The following PRKG1 variants were observed in gnomAD, a reference collection of about 807,000 sequenced individuals.
The protein encoded by PRKG1 is protein kinase cGMP-dependent 1, also known as cGMP-dependent protein kinase 1.
A neutral mutation model predicts 88.1 loss-of-function variants in PRKG1; 35 were observed. The observed-to-expected ratio is 0.40, with a 90% CI of 0.30 to 0.53. The LOEUF (loss-of-function observed/expected upper bound fraction) is 0.53. PRKG1 is among the 20% of genes least tolerant of loss of function. The pLI is 0.59. For synonymous variants in PRKG1, 303 were observed against 292.5 expected (o/e 1.04, Z -0.37); for missense variants, 540 against 839.8 (o/e 0.64, Z 4.41).
chr10:51,187,751 G>A (rs1015895376), intron 2 of PRKG1, among the ~76,000 whole-genome samples: 2 of 151,964 alleles, frequency 1.3e-5, no homozygotes, highest in Admixed American at 6.6e-5. Flanking sequence ...AGGCTACAAT[G>A]CCTAAATATC....
intron 2 of PRKG1, among the ~76,000 whole-genome samples, chr10:51,380,658 A>C (rs1222476451): frequency 6.6e-6 from 1 of 152,160 alleles, no homozygotes; most frequent in Non-Finnish European, 1.5e-5. Context: ...AAGTACTGGC[A>C]GCCAGCTTGT....
At chr10:52,097,941 G>A (rs1459183463) in intron 7 of PRKG1, among the ~76,000 whole-genome samples, 1 of 151,882 alleles carries the variant, frequency 6.6e-6, no homozygotes, top group East Asian at 1.9e-4. Flanking sequence ...ACTCTCTAAA[G>A]GTAAGGTTTT....
intron 3 of PRKG1, among the ~76,000 whole-genome samples, chr10:51,488,658 C>T (rs527504357): frequency 6.6e-6 from 1 of 152,232 alleles, no homozygotes; most frequent in Admixed American, 6.6e-5. Context: ...CTATCCAATA[C>T]TAAGTAGAAT....
At chr10:51,805,545 A>G (rs923590396) in intron 4 of PRKG1, among the ~76,000 whole-genome samples, 1 of 152,016 alleles carries the variant, frequency 6.6e-6, no homozygotes, top group African/African-American at 2.4e-5. Context: ...TAATGAGTGT[A>G]CTGCTAATTA....
chr10:51,255,476 C>T (rs1839533634), intron 2 of PRKG1, among the ~76,000 whole-genome samples: 1 of 152,078 alleles, frequency 6.6e-6, no homozygotes, highest in Non-Finnish European at 1.5e-5. Context: ...TATTTATCAT[C>T]TCACATAAGG....
In PRKG1 at chr10:52,166,799, A is replaced by ATATATATG. The variant is rs1554812265; in HGVS notation, c.1076+4843_1076+4844insGTATATAT. On this transcript the variant is annotated intron_variant, in intron 9 of 17. Transcript: ENST00000373980. The stretch of plus-strand genomic sequence containing the variant: ...CAAATAAAAAAGCCTATATATATAC[A>ATATATATG]TATATATATGTATATATATGTATAT... Among the ~76,000 whole-genome samples the ATATATATG allele has an allele frequency of 2.3e-3, 161 of 70,766 alleles. 2 individuals are homozygous for ATATATATG. The highest frequency in any genetic ancestry group is 4.1e-3 in the South Asian group (7 of 1,694). The allele number at this position is 70,766 out of a possible 152,430, so 46.4% of individuals were successfully genotyped here. A position where few individuals can be genotyped will look rare whatever the true frequency, so the allele number is the denominator to read the frequency against.
chr10:51,181,023 A>G (rs1441204193), intron 2 of PRKG1, among the ~76,000 whole-genome samples: 1 of 152,068 alleles, frequency 6.6e-6, no homozygotes, highest in Non-Finnish European at 1.5e-5. Flanking sequence ...TATTTAAAAT[A>G]TAATTCTTAT....
At chr10:51,281,001 C>G (rs1293478957) in intron 2 of PRKG1, among the ~76,000 whole-genome samples, 1 of 152,142 alleles carries the variant, frequency 6.6e-6, no homozygotes, top group Non-Finnish European at 1.5e-5. Context: ...GTTTTATCTA[C>G]TTTTGCTCTT....
intron 9 of PRKG1, among the ~76,000 whole-genome samples, chr10:52,201,166 C>T (rs1839656215): frequency 6.6e-6 from 1 of 152,092 alleles, no homozygotes; most frequent in Non-Finnish European, 1.5e-5. Flanking sequence ...AGGTTATCTT[C>T]AAAGGTTTTC....
At chr10:51,057,956 C>T (rs1843649073) in intron 1 of PRKG1, among the ~76,000 whole-genome samples, 1 of 152,060 alleles carries the variant, frequency 6.6e-6, no homozygotes, top group African/African-American at 2.4e-5. Context: ...TCCCAAGTGG[C>T]CATAACAATT....
intron 3 of PRKG1, among the ~76,000 whole-genome samples, chr10:51,730,450 C>A (rs1014091889): frequency 6.6e-6 from 1 of 152,154 alleles, no homozygotes; most frequent in Non-Finnish European, 1.5e-5. Flanking sequence ...GCAGAGAGTT[C>A]TTTACTCATG....
chr10:51,774,319 A>G (rs113697173), intron 3 of PRKG1, among the ~76,000 whole-genome samples: 74 of 152,244 alleles, frequency 4.9e-4, no homozygotes, highest in African/African-American at 1.6e-3. Context: ...TGGAGTATCA[A>G]TTAGAAATAA....
chr10:51,484,413 C>T (rs1840466643), intron 3 of PRKG1, among the ~76,000 whole-genome samples: 1 of 151,962 alleles, frequency 6.6e-6, no homozygotes, highest in African/African-American at 2.4e-5. Context: ...TGTATTTATG[C>T]ATTTTGGGAC....
chr10:51,120,430 T>C (rs1226062814), intron 1 of PRKG1, among the ~76,000 whole-genome samples: 4 of 152,038 alleles, frequency 2.6e-5, no homozygotes, highest in Non-Finnish European at 5.9e-5. Context: ...ATATCACTAT[T>C]TTTTTAGGCC....
chr10:51,978,200 C>A (rs1157824036), intron 5 of PRKG1, among the ~76,000 whole-genome samples: 1 of 146,044 alleles, frequency 6.8e-6, no homozygotes, highest in Non-Finnish European at 1.5e-5. Context: ...ATTCCAGCAC[C>A]ATTTATTGAA....
chr10:52,222,897 C>T (rs1458637327), intron 9 of PRKG1, among the ~76,000 whole-genome samples: 1 of 152,104 alleles, frequency 6.6e-6, no homozygotes, highest in African/African-American at 2.4e-5. Flanking sequence ...TATAAAAACT[C>T]TTACCTGTCC....
rs571642183 is a variant in PRKG1 at position 51,910,284 on chromosome 10, G to C, written c.762+2714G>C. The C allele has an allele frequency of 2.0e-5, 3 of 152,278 alleles. No homozygotes were observed. The South Asian group carries it at 6.2e-4, about 32-fold the overall frequency. The allele number at this position is 152,278 out of a possible 1,614,324, so 9.4% of individuals were successfully genotyped here. On this transcript the variant is annotated intron_variant, in intron 5 of 17. Coordinates refer to ENST00000373980, the MANE Select transcript of PRKG1 (RefSeq NM_006258.4). The stretch of plus-strand genomic sequence containing the variant: ...TCTAGGAGGGAGGCAGTTGTTCATT[G>C]TGATTAGGCCATCTGTGTTTGCTAT...
chr10:51,629,530 G>C (rs1467495105), intron 3 of PRKG1, among the ~76,000 whole-genome samples: 1 of 151,852 alleles, frequency 6.6e-6, no homozygotes, highest in Non-Finnish European at 1.5e-5. Flanking sequence ...CATTTTGATT[G>C]CTGTCGCTGC....
intron 11 of PRKG1, 110 bp from the exon 12 acceptor site, chr10:52,272,282 C>A (rs554227469): frequency 4.0e-6 from 3 of 754,898 alleles, no homozygotes; most frequent in Admixed American, 2.9e-5. Flanking sequence ...CTCATTCTGA[C>A]AAAATTTTGA....
Sources: gnomAD v4.1 joint callset for allele counts (sites outside exome capture counted in the v4.1 genomes callset) on GRCh38, gnomAD v4.1.1 for gene constraint, MANE v1.5 for transcripts, NCBI Gene and HGNC (gene_info 2026-07-23, HGNC 2026-07-21) for gene names.